Variants in SLIT1 observed in about 807,000 individuals in gnomAD.
SLIT1 encodes slit homolog 1 protein.
In SLIT1, 66 loss-of-function variants were observed where a neutral mutation model predicts 186.1. The observed-to-expected ratio is 0.35, with a 90% CI of 0.29 to 0.44. The LOEUF (loss-of-function observed/expected upper bound fraction) is 0.44. Among genes scored for constraint, SLIT1 ranks in the 20% least tolerant of loss-of-function variants. The probability of loss-of-function intolerance (pLI) is 1.00; values close to 1 mark genes in which losing one functional copy is unlikely to be tolerated. For missense variants in SLIT1, 1,638 were observed against 2,037.4 expected, an observed-to-expected ratio of 0.80 and a Z score of 3.77; for synonymous variants, 761 against 833.8, an observed-to-expected ratio of 0.91 and a Z score of 1.50.
chr10:97,073,573 C>T (rs1012933678), intron 4 of SLIT1, among the ~76,000 whole-genome samples: 2 of 152,130 alleles, frequency 1.3e-5, no homozygotes, highest in African/African-American at 4.8e-5. Flanking sequence ...CCCAGGACAG[C>T]GCTGGGGAGA....
Position 97,014,038 on chromosome 10 carries a change from C to T in SLIT1, c.3090G>A (p.Gln1030=). The T allele has an allele frequency of 6.2e-7, 1 of 1,613,614 alleles. No homozygotes were observed. The highest frequency in any genetic ancestry group is 8.5e-7 in the Non-Finnish European group (1 of 1,179,988). Residue 1030 remains glutamine (Q), a synonymous_variant, in exon 29 of 37, where the codon CAG becomes CAA. Transcript: ENST00000266058. ...CVDGVGNYTC[Q]CPLQYEGKAC... ...ACTTACCCTCATACTGCAGGGGGCA[C>T]TGGCAGGTGTAGTTGCCCACACCAT...
At chr10:97,123,403 A>G (rs1849576871) in intron 4 of SLIT1, among the ~76,000 whole-genome samples, 2 of 152,218 alleles carry the variant, frequency 1.3e-5, no homozygotes, top group South Asian at 4.1e-4. Context: ...AAATAATGCT[A>G]TGCATGGGGA....
chr10:97,181,800 C>T (rs1056564420), intron 1 of SLIT1, among the ~76,000 whole-genome samples: 2 of 152,212 alleles, frequency 1.3e-5, no homozygotes, highest in African/African-American at 4.8e-5. Context: ...GGACAACTTA[C>T]CCTCTCTGCA....
At chr10:97,108,463 T>C (rs1195011979) in intron 4 of SLIT1, among the ~76,000 whole-genome samples, 2 of 152,162 alleles carry the variant, frequency 1.3e-5, no homozygotes, top group Non-Finnish European at 2.9e-5. Flanking sequence ...AATCGAGAGT[T>C]CCAGAGGGCC....
chr10:97,129,266 G>T (rs1012429250), intron 4 of SLIT1, among the ~76,000 whole-genome samples: 22 of 152,028 alleles, frequency 1.4e-4, no homozygotes, highest in African/African-American at 5.1e-4. Context: ...GTCGGGTGTG[G>T]TGATGTGTGC....
Position 97,048,918 on chromosome 10 carries a change from G to C in SLIT1, c.1465+37C>G, listed in dbSNP as rs540962204. The stretch of plus-strand genomic sequence containing the variant: ...CGGTGGGCAGGTGGGCAGGCAGGTA[G>C]GTGGACAGGTGGGCAGGTGGGCAGG... On this transcript the variant is annotated intron_variant, in intron 14 of 36. Transcript: ENST00000266058. The C allele has an allele frequency of 1.9e-5, 31 of 1,593,394 alleles. No homozygotes were observed. In the African/African-American group the frequency reaches 3.7e-4, roughly 19 times the overall value.
chr10:97,015,268 G>A (rs1848446190), intron 28 of SLIT1, among the ~76,000 whole-genome samples: 1 of 152,144 alleles, frequency 6.6e-6, no homozygotes, highest in South Asian at 2.1e-4. Context: ...CCAAATAAAT[G>A]GGCAGTTAGG....
At chr10:97,039,967 G>A (rs747963650) in intron 21 of SLIT1, 21 bp downstream of exon 21, 2 of 1,612,640 alleles carry the variant, frequency 1.2e-6, no homozygotes, top group Admixed American at 1.7e-5. Flanking sequence ...CGTGAAGGGG[G>A]CAAGGCCTTG....
intron 30 of SLIT1, among the ~76,000 whole-genome samples, chr10:97,013,203 T>C (rs920657945): frequency 5.9e-5 from 9 of 152,180 alleles, no homozygotes; most frequent in Admixed American, 3.3e-4. Context: ...TCTATACATA[T>C]TCACATTACG....
Position 97,006,467 on chromosome 10 carries a change from G to GC in SLIT1, c.3579+15dup. ...CTCCCTGACTCCCCTCTGTGACCAA[G>GC]CCCCCTGGCACGCACCTGCAACGTG... is the stretch of plus-strand genomic sequence containing the variant. On this transcript the variant is annotated intron_variant, in intron 32 of 36. Coordinates refer to ENST00000266058, the MANE Select transcript of SLIT1 (RefSeq NM_003061.3). This position sits in a 1 kb window ranked among gnomAD's most constrained non-coding sequence, Gnocchi z 4.0. 1 of 1,591,990 alleles carries GC rather than the reference G, an allele frequency of 6.3e-7. No homozygotes were observed. Among genetic ancestry groups the GC allele is most frequent in the South Asian group, 1.1e-5 (1 of 90,308 alleles).
intron 18 of SLIT1, among the ~76,000 whole-genome samples, chr10:97,044,423 CA>C (rs1289916838): frequency 6.6e-6 from 1 of 152,088 alleles, no homozygotes; most frequent in Non-Finnish European, 1.5e-5. Context: ...ACAATAACAA[CA>C]AAAACCCAGC....
At chr10:97,167,787 G>A (rs777938840) in intron 1 of SLIT1, among the ~76,000 whole-genome samples, 31 of 152,320 alleles carry the variant, frequency 2.0e-4, no homozygotes, top group Admixed American at 7.8e-4. Flanking sequence ...TGCTGTTCTC[G>A]TGATAGTGAA....
chr10:97,124,740 C>T (rs545450539), intron 4 of SLIT1, among the ~76,000 whole-genome samples: 105 of 152,254 alleles, frequency 6.9e-4, no homozygotes, highest in African/African-American at 2.4e-3. Context: ...CTAGTCCAGC[C>T]CTTGGACAGA....
chr10:97,145,928 C>G (rs781475276), intron 4 of SLIT1, among the ~76,000 whole-genome samples: 1 of 152,210 alleles, frequency 6.6e-6, no homozygotes, highest in Non-Finnish European at 1.5e-5. Flanking sequence ...CAGTAATTCC[C>G]GGCCATGTCA....
chr10:97,175,473 G>A (rs1431644473), intron 1 of SLIT1, among the ~76,000 whole-genome samples: 2 of 152,168 alleles, frequency 1.3e-5, no homozygotes, highest in South Asian at 2.1e-4. Context: ...CCGCCATACT[G>A]TTTTCCATAG....
chr10:97,141,756 CGTATCGTATTGTATCGTACT>C (rs1849766620), intron 4 of SLIT1, among the ~76,000 whole-genome samples: 2 of 141,222 alleles, frequency 1.4e-5, no homozygotes, highest in African/African-American at 2.8e-5. Flanking sequence ...CGTATCGTAT[CGTATCGTATTGTATCGTACT>C]GTATTGTATT....
chr10:97,170,264 G>A (rs1850170335), intron 1 of SLIT1, among the ~76,000 whole-genome samples: 1 of 152,336 alleles, frequency 6.6e-6, no homozygotes, highest in African/African-American at 2.4e-5. Flanking sequence ...CTGTGCCTCA[G>A]TTTCTCCATT....
At chr10:97,120,944 A>G (rs1348725195) in intron 4 of SLIT1, among the ~76,000 whole-genome samples, 2 of 152,088 alleles carry the variant, frequency 1.3e-5, no homozygotes, top group Non-Finnish European at 2.9e-5. Context: ...TAATATTGTC[A>G]TGACTATTAC....
intron 4 of SLIT1, among the ~76,000 whole-genome samples, chr10:97,089,466 G>A (rs1162968515): frequency 2.0e-5 from 3 of 152,228 alleles, no homozygotes; most frequent in South Asian, 4.1e-4. Flanking sequence ...GTCTCTCTGG[G>A]CTGACTGCGC....
Sources: gnomAD v4.1 joint callset for allele counts (sites outside exome capture counted in the v4.1 genomes callset) on GRCh38, gnomAD v4.1.1 for gene constraint, Gnocchi (gnomAD v3.1) non-coding constraint, MANE v1.5 for transcripts, NCBI Gene and HGNC (gene_info 2026-07-23, HGNC 2026-07-21) for gene names.